Variants in FNDC3A observed in about 807,000 individuals in gnomAD.
FNDC3A encodes fibronectin type III domain containing 3A, also known as fibronectin type-III domain-containing protein 3A.
In FNDC3A, 32 loss-of-function variants were observed where a neutral mutation model predicts 148.9. The ratio of observed to expected loss-of-function variants is 0.21; its 90% CI spans 0.16 to 0.29. FNDC3A has a LOEUF of 0.29. Among genes scored for constraint, FNDC3A ranks in the 10% least tolerant of loss-of-function variants. FNDC3A has a pLI of 1.00. For synonymous variants in FNDC3A, 472 were observed against 473.6 expected, an observed-to-expected ratio of 1.00 and a Z score of 0.04; for missense variants, 1,191 against 1,452.8, an observed-to-expected ratio of 0.82 and a Z score of 2.93.
intron 15 of FNDC3A, among the ~76,000 whole-genome samples, chr13:49,186,866 T>TA (rs199838266): frequency 6.6e-6 from 1 of 151,792 alleles, no homozygotes; most frequent in Non-Finnish European, 1.5e-5. Flanking sequence ...AGACTCCATC[T>TA]AAAAAAAATA....
intron 8 of FNDC3A, among the ~76,000 whole-genome samples, chr13:49,165,911 C>T (rs1193474102): frequency 2.0e-5 from 3 of 152,052 alleles, no homozygotes; most frequent in African/African-American, 7.2e-5. Flanking sequence ...GGCTCAATCT[C>T]AGGCCACCAG....
chr13:49,123,367 A>C (rs9596064), intron 4 of FNDC3A, among the ~76,000 whole-genome samples: 48,983 of 152,028 alleles, frequency 0.32, 8,016 homozygotes, highest in South Asian at 0.48. Flanking sequence ...TTAAAGACTT[A>C]AATATAAAAC....
At chr13:49,092,496 CT>C (rs1417520698) in intron 3 of FNDC3A, among the ~76,000 whole-genome samples, 2 of 152,152 alleles carry the variant, frequency 1.3e-5, no homozygotes, top group Non-Finnish European at 2.9e-5. Context: ...TTAGGTCTGC[CT>C]TTCCCAGCCC....
At chr13:49,056,621 T>C (rs1876265420) in intron 2 of FNDC3A, among the ~76,000 whole-genome samples, 1 of 152,186 alleles carries the variant, frequency 6.6e-6, no homozygotes, top group Admixed American at 6.5e-5. Flanking sequence ...GTATCTCAAC[T>C]TCCTTTCTAT....
In FNDC3A at chr13:49,131,122, A is replaced by T. The variant is rs1566270991; in HGVS notation, c.253-15A>T. On this transcript the variant is annotated splice_polypyrimidine_tract_variant and intron_variant, in intron 4 of 25. Transcript: ENST00000492622. ...ATTCTATGGAAGAAATTTTAATCTG[A>T]TGTTCATTTTGTAGGTTATTGAAGA... The T allele has an allele frequency of 1.3e-6, 2 of 1,570,622 alleles. No individual in the cohort carries two copies. The highest frequency in any genetic ancestry group is 1.7e-4 in the Middle Eastern group (1 of 5,978).
chr13:49,145,878 G>T lies in FNDC3A; in HGVS notation c.920G>T (p.Gly307Val). The change falls in exon 8 of 26, where the codon GGT becomes GTT. Residue 307 changes from glycine to valine, a missense_variant. By Grantham distance (109) the Gly-to-Val change is moderately radical. Transcript: ENST00000492622. ...GAAAGTAGTGTACCAGAGCTCTATG[G>T]TTATGAAGTTCTGATCTCAAGTACT... is the stretch of plus-strand genomic sequence containing the variant. ...TDESSVPELYGYEVLISSTGK... is the reference protein window; with the variant it reads ...TDESSVPELYVYEVLISSTGK... The T allele has an allele frequency of 6.2e-7, 1 of 1,612,968 alleles. No homozygotes were observed. Among genetic ancestry groups the T allele is most frequent in the South Asian group, 1.1e-5 (1 of 91,010 alleles).
chr13:49,040,334 A>C (rs1198197305), intron 2 of FNDC3A, among the ~76,000 whole-genome samples: 1 of 152,206 alleles, frequency 6.6e-6, no homozygotes, highest in Non-Finnish European at 1.5e-5. Context: ...AATTTTTATC[A>C]ATTGCCTACT....
At chr13:49,054,470 A>G (rs1189387841) in intron 2 of FNDC3A, among the ~76,000 whole-genome samples, 2 of 152,242 alleles carry the variant, frequency 1.3e-5, no homozygotes, top group African/African-American at 4.8e-5. Flanking sequence ...ATTCAACATA[A>G]TCTTGTAATC....
chr13:49,157,593 T>C (rs11495802), intron 8 of FNDC3A, among the ~76,000 whole-genome samples: 1 of 151,384 alleles, frequency 6.6e-6, no homozygotes, highest in East Asian at 1.9e-4. Context: ...GGAGGAGAGG[T>C]GCTCTGCGTT....
intron 2 of FNDC3A, among the ~76,000 whole-genome samples, chr13:49,016,368 T>C (rs1181238202): frequency 3.3e-5 from 5 of 152,216 alleles, no homozygotes; most frequent in Non-Finnish European, 5.9e-5. Flanking sequence ...CCATTTCTTC[T>C]AGATTTTCTA....
At chr13:49,128,413 G>A (rs1027584355) in intron 4 of FNDC3A, among the ~76,000 whole-genome samples, 1 of 152,114 alleles carries the variant, frequency 6.6e-6, no homozygotes. Flanking sequence ...AACATTTGAG[G>A]TGGGGTGATG....
chr13:49,150,943 CAAAAAA>C (rs35888648), intron 8 of FNDC3A, among the ~76,000 whole-genome samples: 2 of 107,146 alleles, frequency 1.9e-5, no homozygotes, highest in African/African-American at 3.5e-5. Context: ...GACTCCGTCT[CAAAAAA>C]AAAAAAAAAA....
intron 2 of FNDC3A, among the ~76,000 whole-genome samples, chr13:49,074,640 TA>T (rs1877968384): frequency 6.6e-6 from 1 of 152,128 alleles, no homozygotes; most frequent in African/African-American, 2.4e-5. Context: ...TATTGAACTT[TA>T]AAAAAGGTAG....
chr13:49,076,185 A>C (rs1434112584), intron 3 of FNDC3A, among the ~76,000 whole-genome samples: 1 of 152,094 alleles, frequency 6.6e-6, no homozygotes, highest in African/African-American at 2.4e-5. Flanking sequence ...CCTAGGATTA[A>C]ATCCCAGCTC....
At chr13:49,137,406 G>T (rs756833688) in intron 6 of FNDC3A, among the ~76,000 whole-genome samples, 14 of 152,138 alleles carry the variant, frequency 9.2e-5, no homozygotes, top group African/African-American at 3.4e-4. Flanking sequence ...ATGCAGTGGC[G>T]CAATGTCAGC....
chr13:49,130,791 C>G (rs1168369767), intron 4 of FNDC3A, among the ~76,000 whole-genome samples: 2 of 151,998 alleles, frequency 1.3e-5, no homozygotes, highest in African/African-American at 2.4e-5. Context: ...ATTTTTGAGA[C>G]AGAGTCTTGC....
At position 49,208,948 on chromosome 13, in the gene FNDC3A, T is replaced by G. The variant is rs990035151; in HGVS notation, c.*1553T>G. ...ATGGGCATGTATTGTAACAGTTTTA[T>G]GTCAAATGATCTGTGCTGTAGAAAA... On this transcript the variant is annotated 3_prime_UTR_variant, in exon 26 of 26. Coordinates refer to ENST00000492622, the MANE Select transcript of FNDC3A (RefSeq NM_001079673.2). 1 of 152,632 alleles carries G rather than the reference T, an allele frequency of 6.6e-6. No homozygotes were observed. The highest frequency in any genetic ancestry group is 1.5e-5 in the Non-Finnish European group (1 of 68,022). 9.5% of individuals were successfully genotyped at this position (152,632 alleles called of 1,614,324 possible). A position where few individuals can be genotyped will look rare whatever the true frequency, so the allele number is the denominator to read the frequency against.
At chr13:48,977,166 G>A (rs959556361) in intron 1 of FNDC3A, among the ~76,000 whole-genome samples, 17 of 152,088 alleles carry the variant, frequency 1.1e-4, no homozygotes, top group African/African-American at 3.9e-4. Flanking sequence ...AATAAGAGTC[G>A]CAGGCTGATG....
chr13:49,058,606 C>A (rs556916059), intron 2 of FNDC3A, among the ~76,000 whole-genome samples: 47 of 152,124 alleles, frequency 3.1e-4, no homozygotes, highest in Non-Finnish European at 4.6e-4. Context: ...GGCGGTCTTC[C>A]GTAAGCCAAA....
Sources: gnomAD v4.1 joint callset for allele counts (sites outside exome capture counted in the v4.1 genomes callset) on GRCh38, gnomAD v4.1.1 for gene constraint, MANE v1.5 for transcripts, NCBI Gene and HGNC (gene_info 2026-07-23, HGNC 2026-07-21) for gene names.